Variants in SLC9A9 observed in about 807,000 individuals in gnomAD.
SLC9A9 encodes the protein solute carrier family 9 member A9.
A neutral mutation model predicts 77.8 loss-of-function variants in SLC9A9; 62 were observed. The ratio of observed to expected loss-of-function variants is 0.80; its 90% CI spans 0.65 to 0.98. The LOEUF is 0.98. Ranked by LOEUF, SLC9A9 falls within the 50% of genes least tolerant of loss-of-function variation. The probability of loss-of-function intolerance (pLI) is 0.00; values close to 1 mark genes in which losing one functional copy is unlikely to be tolerated. For missense variants in SLC9A9, 775 were observed against 774.9 expected, an observed-to-expected ratio of 1.00 and a Z score of 0.00; for synonymous variants, 320 against 283.5, an observed-to-expected ratio of 1.13 and a Z score of -1.29.
chr3:143,438,035 A>C (rs1304013833), intron 12 of SLC9A9, among the ~76,000 whole-genome samples: 1 of 152,226 alleles, frequency 6.6e-6, no homozygotes, highest in Non-Finnish European at 1.5e-5. Context: ...CCCTCTAGGG[A>C]AAATATGACA....
At chr3:143,703,613 GA>G (rs1309671649) in intron 4 of SLC9A9, among the ~76,000 whole-genome samples, 6 of 151,458 alleles carry the variant, frequency 4.0e-5, no homozygotes, top group Admixed American at 2.6e-4. Context: ...TATCAAGGAA[GA>G]AAAAAAACTT....
chr3:143,572,824 T>A (rs1299729632), intron 8 of SLC9A9, among the ~76,000 whole-genome samples: 1 of 152,158 alleles, frequency 6.6e-6, no homozygotes, highest in Non-Finnish European at 1.5e-5. Context: ...TAGGTTCTCA[T>A]TACTAAAAAG....
At chr3:143,358,056 C>T (rs995222449) in intron 14 of SLC9A9, among the ~76,000 whole-genome samples, 2 of 151,120 alleles carry the variant, frequency 1.3e-5, no homozygotes, top group African/African-American at 2.4e-5. Flanking sequence ...GACTAAAATG[C>T]CATTTCATTT....
intron 4 of SLC9A9, among the ~76,000 whole-genome samples, chr3:143,715,262 A>G (rs1364961510): frequency 2.0e-5 from 3 of 152,102 alleles, no homozygotes; most frequent in Admixed American, 1.3e-4. Context: ...CTCAAAGGCC[A>G]CTGCTCCAAT....
intron 4 of SLC9A9, among the ~76,000 whole-genome samples, chr3:143,752,914 T>G (rs2006784826): frequency 6.6e-6 from 1 of 152,176 alleles, no homozygotes; most frequent in African/African-American, 2.4e-5. Context: ...GGAATTAATA[T>G]TTACCTCCAA....
intron 6 of SLC9A9, among the ~76,000 whole-genome samples, chr3:143,637,546 T>C (rs1386524517): frequency 2.0e-5 from 3 of 152,236 alleles, no homozygotes; most frequent in Non-Finnish European, 4.4e-5. Flanking sequence ...GTAGATATAA[T>C]AGCCATTTAT....
chr3:143,364,415 T>A (rs1208122863), intron 13 of SLC9A9, among the ~76,000 whole-genome samples: 1 of 152,206 alleles, frequency 6.6e-6, no homozygotes. Context: ...TTGCTATGTC[T>A]GGACCCCCAG....
intron 6 of SLC9A9, among the ~76,000 whole-genome samples, chr3:143,620,037 C>G (rs980789035): frequency 6.6e-6 from 1 of 152,178 alleles, no homozygotes; most frequent in African/African-American, 2.4e-5. Context: ...ATCTTAGCCA[C>G]AGAAGAGAAG....
chr3:143,486,819 C>T (rs1248201323), intron 11 of SLC9A9, among the ~76,000 whole-genome samples: 1 of 151,946 alleles, frequency 6.6e-6, no homozygotes, highest in Non-Finnish European at 1.5e-5. Context: ...TTAAACATTT[C>T]ACTGCAAAGA....
At chr3:143,809,026 A>C (rs991807670) in intron 2 of SLC9A9, among the ~76,000 whole-genome samples, 1 of 152,214 alleles carries the variant, frequency 6.6e-6, no homozygotes, top group African/African-American at 2.4e-5. Flanking sequence ...TCCCTTTCTA[A>C]GAGTATCAGG....
chr3:143,305,039 A>T (rs953069890), intron 14 of SLC9A9, among the ~76,000 whole-genome samples: 1 of 152,148 alleles, frequency 6.6e-6, no homozygotes, highest in Admixed American at 6.5e-5. Context: ...ATTATTATTA[A>T]TTTCTGGGAT....
At chr3:143,433,271 T>A (rs1234524039) in intron 12 of SLC9A9, among the ~76,000 whole-genome samples, 1 of 152,178 alleles carries the variant, frequency 6.6e-6, no homozygotes, top group Non-Finnish European at 1.5e-5. Flanking sequence ...TTGAAGCTTT[T>A]TAAAAGAGAT....
chr3:143,768,597 C>T (rs74467787), intron 4 of SLC9A9, among the ~76,000 whole-genome samples: 3,277 of 152,204 alleles, frequency 0.022, 52 homozygotes, highest in Non-Finnish European at 0.031. Context: ...CTCCTAATTA[C>T]GCATACAATA....
chr3:143,835,757 C>T (rs1559820679), intron 1 of SLC9A9, among the ~76,000 whole-genome samples: 1 of 152,204 alleles, frequency 6.6e-6, no homozygotes. Context: ...ACAAAAGCAC[C>T]ACTCTTGTTG....
chr3:143,682,427 T>C lies in SLC9A9; in HGVS notation c.649+10765A>G, dbSNP rs531037611. ...TTATTATTTTAAATCATTCATTTTA[T>C]ATCTAAAAGCATTGTGCATACATTG... On this transcript the variant is annotated intron_variant, in intron 5 of 15. Coordinates refer to ENST00000316549, the MANE Select transcript of SLC9A9 (RefSeq NM_173653.4). Among the ~76,000 whole-genome samples, 4 of 152,306 alleles carry C rather than the reference T, an allele frequency of 2.6e-5. No homozygotes were observed. The South Asian group carries it at 8.3e-4, about 32-fold the overall frequency.
At chr3:143,266,953 T>A in intron 15 of SLC9A9, 24 bp from the exon 16 acceptor site, 1 of 1,608,366 alleles carries the variant, frequency 6.2e-7, no homozygotes, top group Non-Finnish European at 8.5e-7. Flanking sequence ...GAGAGAGAGG[T>A]GTCACTTCAT....
intron 9 of SLC9A9, among the ~76,000 whole-genome samples, chr3:143,522,118 T>G (rs1559951384): frequency 2.0e-5 from 3 of 152,152 alleles, no homozygotes; most frequent in Admixed American, 1.3e-4. Flanking sequence ...CTCGACCTCA[T>G]AGCAATATAA....
chr3:143,693,349 C>A, intron 4 of SLC9A9, 42 bp from the exon 5 acceptor site: 2 of 1,472,440 alleles, frequency 1.4e-6, no homozygotes, highest in Non-Finnish European at 9.5e-7. Flanking sequence ...TCAAGATGAA[C>A]CCTGTGTAAA....
intron 9 of SLC9A9, among the ~76,000 whole-genome samples, chr3:143,518,506 T>C (rs2036241788): frequency 6.6e-6 from 1 of 152,244 alleles, no homozygotes; most frequent in Non-Finnish European, 1.5e-5. Context: ...TTCCATCCCA[T>C]CGTGTCCACC....
Sources: gnomAD v4.1 joint callset for allele counts (sites outside exome capture counted in the v4.1 genomes callset) on GRCh38, gnomAD v4.1.1 for gene constraint, MANE v1.5 for transcripts, NCBI Gene and HGNC (gene_info 2026-07-23, HGNC 2026-07-21) for gene names.